Variants in CUX1 observed in about 807,000 individuals in gnomAD.
CUX1 encodes the protein cut like homeobox 1.
In CUX1, 31 loss-of-function variants were observed where a neutral mutation model predicts 158.8. The ratio of observed to expected loss-of-function variants is 0.20; its 90% confidence interval spans 0.15 to 0.26. CUX1 has a LOEUF of 0.26. CUX1 is among the 10% of genes least tolerant of loss of function. CUX1 has a pLI of 1.00. For missense variants in CUX1, 1,589 were observed against 2,014.6 expected (o/e 0.79, Z 4.04); for synonymous variants, 879 against 862.1 (o/e 1.02, Z -0.34).
chr7:102,000,784 G>A (rs1048690228), intron 2 of CUX1, among the ~76,000 whole-genome samples: 1 of 152,098 alleles, frequency 6.6e-6, no homozygotes, highest in Non-Finnish European at 1.5e-5. Flanking sequence ...TGTTTTGTTT[G>A]TAAGAGCTAG....
chr7:101,885,904 A>C (rs11768652), intron 1 of CUX1, among the ~76,000 whole-genome samples: 30,531 of 152,174 alleles, frequency 0.2, 3,905 homozygotes, highest in Non-Finnish European at 0.28. Flanking sequence ...ACAAGCTCAC[A>C]GGGCGGATGC....
chr7:102,141,789 A>ATT (rs71123009), intron 8 of CUX1, among the ~76,000 whole-genome samples: 5,235 of 102,552 alleles, frequency 0.051, 173 homozygotes, highest in Non-Finnish European at 0.064. Flanking sequence ...CTCTCAGCTA[A>ATT]TTTTTTTTTT....
intron 12 of CUX1, among the ~76,000 whole-genome samples, chr7:102,192,103 G>T (rs1222000737): frequency 2.0e-5 from 3 of 152,196 alleles, no homozygotes; most frequent in Admixed American, 6.6e-5. Context: ...TGGTGAACCA[G>T]CTGTGCTCTT....
At chr7:101,977,695 C>G (rs1812884813) in intron 2 of CUX1, among the ~76,000 whole-genome samples, 1 of 152,008 alleles carries the variant, frequency 6.6e-6, no homozygotes, top group Non-Finnish European at 1.5e-5. Context: ...CGCTTGAACC[C>G]AGGAGGCAGA....
At chr7:102,058,962 G>A (rs1340180894) in intron 3 of CUX1, among the ~76,000 whole-genome samples, 3 of 152,208 alleles carry the variant, frequency 2.0e-5, no homozygotes, top group African/African-American at 7.2e-5. Flanking sequence ...AGGAAGAAGT[G>A]AAGCGGGGGT....
intron 2 of CUX1, among the ~76,000 whole-genome samples, chr7:101,989,179 G>A (rs1426565887): frequency 6.6e-6 from 1 of 151,464 alleles, no homozygotes; most frequent in Non-Finnish European, 1.5e-5. Context: ...CAGCACCGAC[G>A]TCACCTCATC....
chr7:101,830,109 C>T (rs914219485), intron 1 of CUX1, among the ~76,000 whole-genome samples: 2 of 152,238 alleles, frequency 1.3e-5, no homozygotes. Flanking sequence ...GTGAATTGCC[C>T]GTAGATACTG....
At chr7:102,093,021 A>G (rs1414989141) in intron 4 of CUX1, among the ~76,000 whole-genome samples, 1 of 151,294 alleles carries the variant, frequency 6.6e-6, no homozygotes, top group South Asian at 2.1e-4. Context: ...TGCGTTTGTC[A>G]TTTACATGCA....
chr7:102,197,432 C>T, intron 15 of CUX1, 127 bp downstream of exon 15: 1 of 1,194,044 alleles, frequency 8.4e-7, no homozygotes, highest in Non-Finnish European at 1.2e-6. Flanking sequence ...GTAAAGTTCT[C>T]TTTGCTTCTG....
intron 20 of CUX1, among the ~76,000 whole-genome samples, chr7:102,214,605 C>G (rs922793946): frequency 3.3e-5 from 5 of 152,264 alleles, no homozygotes; most frequent in Non-Finnish European, 5.9e-5. Flanking sequence ...TACACACTGG[C>G]TTGAGGTCCT....
chr7:102,038,192 C>T (rs1585371502), intron 3 of CUX1, among the ~76,000 whole-genome samples: 1 of 152,144 alleles, frequency 6.6e-6, no homozygotes, highest in African/African-American at 2.4e-5. Flanking sequence ...TCATACTTAC[C>T]TCAGTGTTTA....
At chr7:102,242,585 G>T (rs1554535327) in intron 23 of CUX1, among the ~76,000 whole-genome samples, 1 of 152,226 alleles carries the variant, frequency 6.6e-6, no homozygotes, top group Non-Finnish European at 1.5e-5. Context: ...TTTAGGGCAT[G>T]TGTGATAACG....
chr7:101,860,046 G>T, intron 1 of CUX1, among the ~76,000 whole-genome samples: 1 of 134,562 alleles, frequency 7.4e-6, no homozygotes, highest in African/African-American at 2.8e-5. Context: ...GTCTCTGCCT[G>T]CTTTTTCCTC....
intron 1 of CUX1, among the ~76,000 whole-genome samples, chr7:101,862,870 T>G (rs763107479): frequency 2.0e-5 from 3 of 151,198 alleles, no homozygotes; most frequent in Non-Finnish European, 4.4e-5. Flanking sequence ...CAGATTATTT[T>G]TTTTCACAGC....
rs1343179385 is a variant in CUX1 at position 102,250,762 on chromosome 7, AT to A, written c.*1721del. On this transcript the variant is annotated 3_prime_UTR_variant, in exon 24 of 24. Transcript: ENST00000292535. ...CTTGTCTATGTGTATATGCGTGAGAATAGAGGCGGGTGAGAGTGTGCGTGCG... is the reference window on the plus strand; with the variant it reads ...CTTGTCTATGTGTATATGCGTGAGAAAGAGGCGGGTGAGAGTGTGCGTGCG... 83 of 985,412 alleles carry A rather than the reference AT, an allele frequency of 8.4e-5. No individual in the cohort carries two copies. Among genetic ancestry groups the A allele is most frequent in the Non-Finnish European group, 9.5e-5 (79 of 829,940 alleles). The allele number at this position is 985,412 out of a possible 1,614,324, so 61.0% of individuals were successfully genotyped here.
At chr7:101,898,463 G>GT (rs1801765427) in intron 1 of CUX1, among the ~76,000 whole-genome samples, 1 of 152,092 alleles carries the variant, frequency 6.6e-6, no homozygotes, top group African/African-American at 2.4e-5. Flanking sequence ...TGCCAGGCTC[G>GT]TAATTCCCTC....
In CUX1 at chr7:102,255,114, G is replaced by T. The variant is rs111346984; in HGVS notation, c.*6072G>T. The T allele has an allele frequency of 6.6e-4, 648 of 985,336 alleles. 3 individuals carry two copies. In the African/African-American group the frequency reaches 9.6e-3, roughly 15 times the overall value. 61.0% of individuals were successfully genotyped at this position (985,336 alleles called of 1,614,324 possible). ...TCTTCCCAATCCCAGAGGCCCCGGC[G>T]GCCTGTGCTCCTCACCACCCTGGTC... On this transcript the variant is annotated 3_prime_UTR_variant, in exon 24 of 24. Coordinates refer to ENST00000292535, the MANE Select transcript of CUX1 (RefSeq NM_181552.4).
chr7:101,819,863 A>G (rs1056260511), intron 1 of CUX1, among the ~76,000 whole-genome samples: 1 of 152,204 alleles, frequency 6.6e-6, no homozygotes, highest in Non-Finnish European at 1.5e-5. Context: ...GGCTTCGTGT[A>G]TCTTCTGTCG....
chr7:101,992,294 C>T (rs1457735262), intron 2 of CUX1, among the ~76,000 whole-genome samples: 1 of 151,758 alleles, frequency 6.6e-6, no homozygotes, highest in Non-Finnish European at 1.5e-5. Flanking sequence ...CCTGTTTTTA[C>T]CTGCTCAGCA....
Sources: gnomAD v4.1 joint callset for allele counts (sites outside exome capture counted in the v4.1 genomes callset) on GRCh38, gnomAD v4.1.1 for gene constraint, MANE v1.5 for transcripts, NCBI Gene and HGNC (gene_info 2026-07-23, HGNC 2026-07-21) for gene names.